NFIA: variants seen among roughly 807,000 people sequenced by gnomAD.
The protein encoded by NFIA is nuclear factor I A.
NFIA carries 8 observed loss-of-function variants against 62.8 expected under a neutral mutation model. That is an observed-to-expected ratio of 0.13 (90% CI 0.07 to 0.23). The LOEUF (loss-of-function observed/expected upper bound fraction) is 0.23. NFIA is among the 10% of genes least tolerant of loss of function. The pLI, the probability that NFIA is intolerant of heterozygous loss-of-function variation, is 1.00. For missense variants in NFIA, 410 were observed against 642.1 expected (o/e 0.64, Z 3.91); for synonymous variants, 235 against 238.1 (o/e 0.99, Z 0.12).
chr1:61,292,087 C>T (rs113668978), intron 3 of NFIA, among the ~76,000 whole-genome samples: 8 of 152,246 alleles, frequency 5.3e-5, no homozygotes, highest in African/African-American at 1.7e-4. Context: ...ATGGGTGACA[C>T]ATGACCACCT....
rs138505432 is a variant in NFIA at position 61,243,761 on chromosome 1, G to A, written c.560-33759G>A. ...AAAATGCCAATCAGGCAGTGTTTAC[G>A]TAGGTAGAATAAGGCATATTTTTGC... On this transcript the variant is annotated intron_variant, in intron 2 of 10. Transcript: ENST00000403491. Among the ~76,000 whole-genome samples the A allele has an allele frequency of 2.6e-5, 4 of 152,276 alleles. No homozygotes were observed. The East Asian group carries it at 5.8e-4, about 22-fold the overall frequency.
intron 3 of NFIA, among the ~76,000 whole-genome samples, chr1:61,286,022 T>C (rs1658466980): frequency 6.6e-6 from 1 of 152,154 alleles, no homozygotes; most frequent in Non-Finnish European, 1.5e-5. Flanking sequence ...AAAAGAGACT[T>C]GCCATTAAAA....
At chr1:61,309,479 AAAC>A (rs557005640) in intron 3 of NFIA, among the ~76,000 whole-genome samples, 171 of 117,776 alleles carry the variant, frequency 1.5e-3, no homozygotes, top group Admixed American at 4.6e-3. Context: ...ACAGTGAGAA[AAAC>A]AACAACAACA....
chr1:61,106,376 G>C (rs925247236), intron 2 of NFIA, among the ~76,000 whole-genome samples: 1 of 151,798 alleles, frequency 6.6e-6, no homozygotes, highest in Non-Finnish European at 1.5e-5. Flanking sequence ...GTTTGAGTTT[G>C]TCCATGCTGG....
upstream of NFIA, chr1:61,082,459 G>A: frequency 9.5e-7 from 1 of 1,052,242 alleles, no homozygotes; most frequent in Non-Finnish European, 1.1e-6. Flanking sequence ...GGCAGCTCGC[G>A]GGCACCCGGC....
intron 2 of NFIA, among the ~76,000 whole-genome samples, chr1:61,191,879 C>T (rs1357635568): frequency 1.3e-5 from 2 of 152,212 alleles, no homozygotes; most frequent in African/African-American, 2.4e-5. Context: ...TTTGGCCTTG[C>T]CCTTACAGAG....
intron 10 of NFIA, among the ~76,000 whole-genome samples, chr1:61,441,511 CT>C (rs1481155415): frequency 6.6e-6 from 1 of 152,058 alleles, no homozygotes; most frequent in Non-Finnish European, 1.5e-5. Context: ...TAGGGAGGAC[CT>C]TTGATTTAAA....
chr1:61,330,309 G>A (rs367897502), intron 3 of NFIA, among the ~76,000 whole-genome samples: 19 of 152,198 alleles, frequency 1.2e-4, no homozygotes, highest in African/African-American at 3.6e-4. Context: ...ACTTACTAAC[G>A]TGCTTTGTCT....
chr1:61,431,828 G>A (rs779615880), intron 10 of NFIA, among the ~76,000 whole-genome samples: 5 of 152,206 alleles, frequency 3.3e-5, no homozygotes, highest in Non-Finnish European at 5.9e-5. Flanking sequence ...TTGCCATTCC[G>A]TGTGTCATAT....
intron 2 of NFIA, among the ~76,000 whole-genome samples, chr1:61,180,365 C>G (rs745995904): frequency 1.3e-5 from 2 of 152,154 alleles, no homozygotes; most frequent in Non-Finnish European, 2.9e-5. Context: ...AATGGGAAAC[C>G]TCACTATTGA....
At chr1:61,344,218 T>C (rs1662086627) in intron 4 of NFIA, among the ~76,000 whole-genome samples, 1 of 152,236 alleles carries the variant, frequency 6.6e-6, no homozygotes, top group Non-Finnish European at 1.5e-5. Flanking sequence ...CATAGCATTG[T>C]GCGTTTTACA....
chr1:61,083,460 C>CGTCCCG (rs1391304816), intron 1 of NFIA, among the ~76,000 whole-genome samples: 1 of 152,066 alleles, frequency 6.6e-6, no homozygotes, highest in Non-Finnish European at 1.5e-5. Context: ...CGCGGGCTCC[C>CGTCCCG]GTCCCGGCCC....
At chr1:61,403,139 TCTC>T (rs1460318045) in intron 7 of NFIA, among the ~76,000 whole-genome samples, 1 of 152,228 alleles carries the variant, frequency 6.6e-6, no homozygotes, top group Admixed American at 6.5e-5. Context: ...AATACTTTCA[TCTC>T]CTCTAATTTG....
intron 4 of NFIA, among the ~76,000 whole-genome samples, chr1:61,334,617 C>A (rs1661503102): frequency 3.2e-5 from 4 of 124,322 alleles, no homozygotes; most frequent in Admixed American, 9.0e-5. Context: ...ATATATGTAT[C>A]AGACCATACC....
At chr1:61,202,800 A>G (rs1457134958) in intron 2 of NFIA, among the ~76,000 whole-genome samples, 1 of 152,224 alleles carries the variant, frequency 6.6e-6, no homozygotes, top group African/African-American at 2.4e-5. Flanking sequence ...CAATGGGGAG[A>G]ATATTTTAAA....
At chr1:61,254,143 A>G (rs1474237528) in intron 2 of NFIA, among the ~76,000 whole-genome samples, 3 of 152,228 alleles carry the variant, frequency 2.0e-5, no homozygotes, top group Non-Finnish European at 2.9e-5. Context: ...ACTGAAAATG[A>G]GATTGCAATT....
At chr1:61,215,310 C>G (rs1331567184) in intron 2 of NFIA, among the ~76,000 whole-genome samples, 2 of 152,052 alleles carry the variant, frequency 1.3e-5, no homozygotes. Flanking sequence ...GGGACCATGT[C>G]CATGCAATTA....
At chr1:61,098,303 G>A (rs1003171065) in intron 2 of NFIA, among the ~76,000 whole-genome samples, 6 of 152,216 alleles carry the variant, frequency 3.9e-5, no homozygotes, top group Non-Finnish European at 8.8e-5. Context: ...TGGGTTACCA[G>A]TGTTTGAAAT....
Position 61,088,890 on chromosome 1 carries a change from G to T in NFIA, c.559+210G>T, listed in dbSNP as rs879215347. Among the ~76,000 whole-genome samples the T allele has an allele frequency of 2.6e-5, 4 of 152,172 alleles. No homozygotes were observed. The highest frequency in any genetic ancestry group is 4.4e-5 in the Non-Finnish European group (3 of 68,032). On this transcript the variant is annotated intron_variant, in intron 2 of 10. Transcript: ENST00000403491. This position sits in a 1 kb window ranked among gnomAD's most constrained non-coding sequence, Gnocchi z 4.5. ...ATTCTCACTAAGTTCAGCTCTTTTG[G>T]TAAGTAGTGTTTTCAGAGGCGTTGG...
Sources: gnomAD v4.1 joint callset for allele counts (sites outside exome capture counted in the v4.1 genomes callset) on GRCh38, gnomAD v4.1.1 for gene constraint, Gnocchi (gnomAD v3.1) non-coding constraint, MANE v1.5 for transcripts, NCBI Gene and HGNC (gene_info 2026-07-23, HGNC 2026-07-21) for gene names.